RTL4: variants seen among roughly 807,000 people sequenced by gnomAD.
RTL4 encodes the protein retrotransposon Gag like 4.
Under a neutral mutation model 5.3 loss-of-function variants are expected in RTL4, and 4 were observed. That is an observed-to-expected ratio of 0.75 (90% CI 0.37 to 1.72). The LOEUF (loss-of-function observed/expected upper bound fraction) is 1.72. RTL4 is among the 40% of genes most tolerant of loss of function. The probability of loss-of-function intolerance (pLI) is 0.04; values close to 1 mark genes in which losing one functional copy is unlikely to be tolerated. For missense variants in RTL4, 260 were observed against 227.1 expected (o/e 1.14, Z -0.93); for synonymous variants, 98 against 87.3 (o/e 1.12, Z -0.68).
At chrX:112,300,418 C>A in the RTL4 span, among the ~76,000 whole-genome samples, 192 of 112,356 alleles carry the variant, frequency 1.7e-3, no homozygotes, top group African/African-American at 2.4e-3. Context: ...AATATGATTT[C>A]TTTTAAAGAT....
At chrX:112,212,300 C>A in the RTL4 span, among the ~76,000 whole-genome samples, 1 of 111,645 alleles carries the variant, frequency 9.0e-6, no homozygotes, top group Non-Finnish European at 1.9e-5. Flanking sequence ...TGGCGTGAAC[C>A]CAGGAGGCGG....
the RTL4 span, among the ~76,000 whole-genome samples, chrX:112,388,952 C>T: frequency 9.0e-6 from 1 of 111,560 alleles, no homozygotes; most frequent in Non-Finnish European, 1.9e-5. Context: ...GGAGTCCTTT[C>T]TCCTCAATTT....
At chrX:112,223,066 G>A in the RTL4 span, among the ~76,000 whole-genome samples, 2 of 112,409 alleles carry the variant, frequency 1.8e-5, no homozygotes, top group African/African-American at 6.5e-5. Context: ...GTTTGAACTG[G>A]GGAAGACAAA....
chrX:112,174,992 T>A, the RTL4 span, among the ~76,000 whole-genome samples: 1 of 77,043 alleles, frequency 1.3e-5, no homozygotes. Flanking sequence ...CTTTGTCAGA[T>A]GAGTAGGTTG....
the RTL4 span, among the ~76,000 whole-genome samples, chrX:112,224,653 A>C: frequency 9.0e-6 from 1 of 111,589 alleles, no homozygotes; most frequent in South Asian, 3.7e-4. Flanking sequence ...CAGACTCTTT[A>C]GAGAAATACT....
the RTL4 span, among the ~76,000 whole-genome samples, chrX:112,315,150 C>T: frequency 9.0e-6 from 1 of 111,591 alleles, no homozygotes; most frequent in African/African-American, 3.3e-5. Flanking sequence ...AAGTCAGGCC[C>T]CACGTGTTGG....
chrX:112,290,918 C>A, the RTL4 span, among the ~76,000 whole-genome samples: 5 of 111,849 alleles, frequency 4.5e-5, no homozygotes, highest in South Asian at 1.9e-3. Flanking sequence ...TTAGAGAAAC[C>A]AAGTGATTTG....
At chrX:112,362,168 G>T in the RTL4 span, among the ~76,000 whole-genome samples, 1 of 112,106 alleles carries the variant, frequency 8.9e-6, no homozygotes, top group Non-Finnish European at 1.9e-5. Context: ...GCAAAGCCAT[G>T]GGTCTTGCCG....
chrX:112,155,951 A>C, the RTL4 span, among the ~76,000 whole-genome samples: 8 of 111,807 alleles, frequency 7.2e-5, no homozygotes, highest in Admixed American at 2.9e-4. Flanking sequence ...CTTTTGGCTA[A>C]TTCTGGATGG....
the RTL4 span, among the ~76,000 whole-genome samples, chrX:112,245,941 C>T: frequency 8.9e-6 from 1 of 112,669 alleles, no homozygotes; most frequent in Non-Finnish European, 1.9e-5. Context: ...AGTTTTCCTT[C>T]TAACAGTCAG....
chrX:112,162,589 G>A, the RTL4 span, among the ~76,000 whole-genome samples: 1 of 111,518 alleles, frequency 9.0e-6, no homozygotes, highest in Non-Finnish European at 1.9e-5. Context: ...CCAATTAAAT[G>A]GAAATAATTC....
At chrX:112,196,811 T>A in the RTL4 span, among the ~76,000 whole-genome samples, 1 of 111,675 alleles carries the variant, frequency 9.0e-6, no homozygotes, top group Non-Finnish European at 1.9e-5. Context: ...CTTTTGCCTA[T>A]GTTATAATCA....
chrX:112,140,098 A>G, the RTL4 span, among the ~76,000 whole-genome samples: 16 of 112,298 alleles, frequency 1.4e-4, no homozygotes, highest in Non-Finnish European at 3.0e-4. Context: ...ATATTATTAT[A>G]TAGTTTATTG....
chrX:112,391,346 G>T, the RTL4 span, among the ~76,000 whole-genome samples: 1 of 111,124 alleles, frequency 9.0e-6, no homozygotes, highest in Non-Finnish European at 1.9e-5. Context: ...TTAAGAACTC[G>T]GTGGAGAACT....
At chrX:112,112,946 G>C in the RTL4 span, among the ~76,000 whole-genome samples, 1 of 111,641 alleles carries the variant, frequency 9.0e-6, no homozygotes. Context: ...GGGTATAGGG[G>C]TTGGGTACAA....
chrX:112,440,088 T>A, the RTL4 span, among the ~76,000 whole-genome samples: 1 of 111,772 alleles, frequency 8.9e-6, no homozygotes, highest in African/African-American at 3.3e-5. Flanking sequence ...ATAAGGTTGC[T>A]ACTACGGGTG....
chrX:112,084,137 T>A, the RTL4 span, among the ~76,000 whole-genome samples: 7 of 110,988 alleles, frequency 6.3e-5, no homozygotes, highest in African/African-American at 2.3e-4. Flanking sequence ...GCCAGAATCA[T>A]CTCCCTTGCC....
upstream of RTL4, among the ~76,000 whole-genome samples, chrX:112,453,698 G>C (rs946456477): frequency 7.1e-5 from 8 of 112,159 alleles, no homozygotes; most frequent in Admixed American, 2.8e-4. Context: ...CTTTAGAGCA[G>C]CATTTCTCAA....
the RTL4 span, among the ~76,000 whole-genome samples, chrX:112,101,812 A>C: frequency 2.8e-5 from 3 of 108,918 alleles, no homozygotes; most frequent in Non-Finnish European, 5.7e-5. Context: ...TGTCCTTATA[A>C]ATAGAGGGGA....
Sources: allele counts gnomAD v4.1 joint callset (sites outside exome capture counted in the v4.1 genomes callset), GRCh38; gene constraint gnomAD v4.1.1; transcripts MANE v1.5; gene names NCBI Gene and HGNC (gene_info 2026-07-23, HGNC 2026-07-21).